RAPGEF6: variants seen among roughly 807,000 people sequenced by gnomAD.
RAPGEF6 encodes Rap guanine nucleotide exchange factor 6, also known as PDZ domain containing guanine nucleotide exchange factor (GEF) 2.
Under a neutral mutation model 171.4 loss-of-function variants are expected in RAPGEF6, and 56 were observed. The observed-to-expected ratio is 0.33, with a 90% CI of 0.26 to 0.41. The LOEUF is 0.41. Among genes scored for constraint, RAPGEF6 ranks in the 10% least tolerant of loss-of-function variants. The pLI is 1.00. For synonymous variants in RAPGEF6, 692 were observed against 650.1 expected (o/e 1.06, Z -0.98); for missense variants, 1,674 against 1,921.4 (o/e 0.87, Z 2.41).
intron 6 of RAPGEF6, among the ~76,000 whole-genome samples, chr5:131,524,595 G>T (rs1010716081): frequency 2.6e-5 from 3 of 115,544 alleles, no homozygotes; most frequent in African/African-American, 3.3e-5. Context: ...GAGAGGGAGG[G>T]GGGAGAGAGA....
chr5:131,468,660 G>A (rs376808518), intron 17 of RAPGEF6, among the ~76,000 whole-genome samples: 68 of 152,232 alleles, frequency 4.5e-4, no homozygotes, highest in African/African-American at 1.6e-3. Flanking sequence ...CCTGTTATGT[G>A]TCAACAGGGT....
At chr5:131,499,581 CAAAAAAAAAAAAAA>C (rs375534138) in intron 11 of RAPGEF6, among the ~76,000 whole-genome samples, 5 of 87,548 alleles carry the variant, frequency 5.7e-5, no homozygotes, top group African/African-American at 9.5e-5. Context: ...GACTTTGTCT[CAAAAAAAAAAAAAA>C]AAAAAAAAGA....
Position 131,495,595 on chromosome 5 carries a change from C to A in RAPGEF6, c.1485G>T (p.Met495Ile). Residue 495 changes from methionine to isoleucine, a missense_variant, in exon 13 of 28, where the codon ATG (methionine) becomes ATT (isoleucine). Met to Ile is a conservative substitution (Grantham distance 10). This residue lies in a region of RAPGEF6 where 1,116 missense variants were observed against 1,321.5 expected (regional missense o/e 0.84). Coordinates refer to ENST00000509018, the MANE Select transcript of RAPGEF6 (RefSeq NM_016340.6). The stretch of plus-strand genomic sequence containing the variant: ...TTTCAAATTCCTCTAGAAATCGAGT[C>A]ATAGCAGGGTCACCTTCAAAATCAT... ...HFNDFEGDPAMTRFLEEFEKN... is the reference protein window; with the variant it reads ...HFNDFEGDPAITRFLEEFEKN... 1 of 1,613,682 alleles carries A rather than the reference C, an allele frequency of 6.2e-7. No homozygotes were observed. The highest frequency in any genetic ancestry group is 1.1e-5 in the South Asian group (1 of 91,006).
intron 22 of RAPGEF6, among the ~76,000 whole-genome samples, chr5:131,444,600 C>G (rs760227953): frequency 4.6e-5 from 7 of 152,104 alleles, no homozygotes; most frequent in Non-Finnish European, 8.8e-5. Flanking sequence ...ATTAAAGGAA[C>G]ATGCATTTAA....
chr5:131,504,557 T>A, intron 11 of RAPGEF6, 69 bp downstream of exon 11: 1 of 1,445,748 alleles, frequency 6.9e-7, no homozygotes, highest in Non-Finnish European at 9.3e-7. Flanking sequence ...AAAAAATGGT[T>A]TAAAACAAGA....
At chr5:131,602,783 CAAAA>C (rs776462909) in intron 3 of RAPGEF6, among the ~76,000 whole-genome samples, 2 of 151,950 alleles carry the variant, frequency 1.3e-5, no homozygotes, top group Non-Finnish European at 2.9e-5. Flanking sequence ...AACAAACAAA[CAAAA>C]AGAAAACTAG....
At chr5:131,603,440 T>C (rs1764372216) in intron 2 of RAPGEF6, 113 bp from the exon 3 acceptor site, 2 of 671,834 alleles carry the variant, frequency 3.0e-6, no homozygotes, top group South Asian at 2.1e-5. Context: ...TGACCAAATC[T>C]ACCAGTATGT....
chr5:131,539,161 T>C (rs1759970883), intron 6 of RAPGEF6, among the ~76,000 whole-genome samples: 1 of 152,186 alleles, frequency 6.6e-6, no homozygotes. Context: ...TATATACAAA[T>C]AAGATTATCA....
chr5:131,492,641 C>CA lies in RAPGEF6; in HGVS notation c.1671dup (p.Val558CysfsTer2), dbSNP rs757483463. 2 of 1,614,162 alleles carry CA rather than the reference C, an allele frequency of 1.2e-6. No individual in the cohort carries two copies. The highest frequency in any genetic ancestry group is 1.7e-6 in the Non-Finnish European group (2 of 1,180,028). On this transcript the variant is annotated frameshift_variant, in exon 14 of 28. Coordinates refer to ENST00000509018, the MANE Select transcript of RAPGEF6 (RefSeq NM_016340.6). LOFTEE classifies it high-confidence loss of function. ...TTGCTACCAGGTTCTACTCCTTCAA[C>CA]AAAAATACCAAATCCCTTCTCACTC...
At position 131,479,544 on chromosome 5, in the gene RAPGEF6, G is replaced by A. The variant is rs1208990597; in HGVS notation, c.2050C>T (p.Arg684Ter). 6.2e-7 allele frequency: 1 copy of A among 1,613,860 alleles called. No individual in the cohort carries two copies. The highest frequency in any genetic ancestry group is 8.5e-7 in the Non-Finnish European group (1 of 1,179,914). ...NKIRKILDKTRFSILPPKLFS... is the reference protein window; with the variant it reads ...NKIRKILDKT ...AGCTTTGGAGGCAAGATACTAAATC[G>A]TGTTTTATCCAAAATCTTCCTGATT... The change falls in exon 16 of 28, where the codon CGA (arginine) becomes TGA (stop). Residue 684 changes from arginine to a stop codon, truncating the protein, a stop_gained. Transcript: ENST00000509018. LOFTEE classifies it high-confidence loss of function.
At chr5:131,536,355 C>T (rs1759773902) in intron 6 of RAPGEF6, among the ~76,000 whole-genome samples, 1 of 152,164 alleles carries the variant, frequency 6.6e-6, no homozygotes, top group South Asian at 2.1e-4. Flanking sequence ...AGTTATCAGA[C>T]ACAGTTAACT....
At chr5:131,492,930 G>A (rs1434865422) in intron 13 of RAPGEF6, 145 bp from the exon 14 acceptor site, 9 of 676,054 alleles carry the variant, frequency 1.3e-5, no homozygotes, top group Middle Eastern at 4.0e-4. Context: ...GCACTCCCAC[G>A]CCAAAGCACT....
At chr5:131,511,481 CTTT>C (rs55782171) in intron 7 of RAPGEF6, among the ~76,000 whole-genome samples, 154 of 137,318 alleles carry the variant, frequency 1.1e-3, no homozygotes, top group Middle Eastern at 4.2e-3. Context: ...AAAAGATCAT[CTTT>C]TTTTTTTTTT....
intron 19 of RAPGEF6, among the ~76,000 whole-genome samples, chr5:131,459,869 T>C (rs986958119): frequency 2.0e-5 from 3 of 152,160 alleles, no homozygotes; most frequent in Non-Finnish European, 4.4e-5. Flanking sequence ...CAAAGTTACT[T>C]TCGCTGTGTA....
At chr5:131,524,246 TA>T (rs1420676250) in intron 6 of RAPGEF6, among the ~76,000 whole-genome samples, 1 of 152,004 alleles carries the variant, frequency 6.6e-6, no homozygotes, top group East Asian at 1.9e-4. Flanking sequence ...GCTTACTATA[TA>T]AAATAGTAAC....
chr5:131,587,365 A>G (rs1016721500), intron 4 of RAPGEF6, among the ~76,000 whole-genome samples: 3 of 152,236 alleles, frequency 2.0e-5, no homozygotes, highest in African/African-American at 7.2e-5. Context: ...CTTCAGAGAT[A>G]CAAGACTGAT....
At chr5:131,600,677 T>C (rs1764188321) in intron 3 of RAPGEF6, among the ~76,000 whole-genome samples, 1 of 151,788 alleles carries the variant, frequency 6.6e-6, no homozygotes, top group African/African-American at 2.4e-5. Flanking sequence ...AAAAGAAACG[T>C]GATGGGTTTC....
Position 131,525,521 on chromosome 5 carries a change from C to T in RAPGEF6, c.496-4000G>A, listed in dbSNP as rs111503088. Among the ~76,000 whole-genome samples the T allele has an allele frequency of 2.0e-3, 307 of 152,006 alleles. 2 individuals carry two copies. The highest frequency in any genetic ancestry group is 5.9e-3 in the African/African-American group (244 of 41,456). ...GATAAGTTAAAGTCATGCTTAGAGGCCATTTATAGCTCTACTATGTATATC... is the reference window on the plus strand; with the variant it reads ...GATAAGTTAAAGTCATGCTTAGAGGTCATTTATAGCTCTACTATGTATATC... On this transcript the variant is annotated intron_variant, in intron 6 of 27. Transcript: ENST00000509018.
At chr5:131,574,517 A>G (rs1013375783) in intron 4 of RAPGEF6, among the ~76,000 whole-genome samples, 7 of 152,144 alleles carry the variant, frequency 4.6e-5, no homozygotes, top group African/African-American at 1.7e-4. Flanking sequence ...GGGTATTGAC[A>G]GCCAGGCTTC....
Sources: allele counts gnomAD v4.1 joint callset (sites outside exome capture counted in the v4.1 genomes callset), GRCh38; gene constraint gnomAD v4.1.1; regional missense constraint gnomAD v4.1.1; transcripts MANE v1.5; gene names NCBI Gene and HGNC (gene_info 2026-07-23, HGNC 2026-07-21).